The following NUP210 variants were observed in gnomAD, a reference collection of about 807,000 sequenced individuals.
NUP210 encodes the protein nuclear pore membrane glycoprotein 210.
In NUP210, 151 loss-of-function variants were observed where a neutral mutation model predicts 196.0. That is an observed-to-expected ratio of 0.77 (90% CI 0.67 to 0.88). The LOEUF (loss-of-function observed/expected upper bound fraction) is 0.88, where lower values mean the gene tolerates loss of function less well. Ranked by LOEUF, NUP210 falls within the 40% of genes least tolerant of loss-of-function variation. The pLI is 0.00. For synonymous variants in NUP210, 1,070 were observed against 1,052.7 expected, an observed-to-expected ratio of 1.02 and a Z score of -0.32; for missense variants, 2,314 against 2,493.7, an observed-to-expected ratio of 0.93 and a Z score of 1.53.
intron 15 of NUP210, among the ~76,000 whole-genome samples, chr3:13,359,276 G>A (rs537626801): frequency 6.6e-6 from 1 of 152,330 alleles, no homozygotes; most frequent in Admixed American, 6.5e-5. Flanking sequence ...AGGGGACAGG[G>A]ATGGTGGGGT....
At chr3:13,365,341 G>A (rs1198383823) in intron 14 of NUP210, among the ~76,000 whole-genome samples, 1 of 152,212 alleles carries the variant, frequency 6.6e-6, no homozygotes, top group African/African-American at 2.4e-5. Context: ...TACAGGCAGG[G>A]AATGTAAGGC....
intron 6 of NUP210, among the ~76,000 whole-genome samples, chr3:13,383,444 G>GT (rs1472315266): frequency 6.6e-6 from 1 of 150,442 alleles, no homozygotes; most frequent in Non-Finnish European, 1.5e-5. Context: ...GACCAAGCTC[G>GT]TAAGTTTTCT....
chr3:13,376,822 A>G (rs1698926936), intron 9 of NUP210, among the ~76,000 whole-genome samples: 1 of 152,130 alleles, frequency 6.6e-6, no homozygotes, highest in African/African-American at 2.4e-5. Context: ...ACATGAGCAA[A>G]GCAACGACAT....
At position 13,377,504 on chromosome 3, in the gene NUP210, G is replaced by A; in HGVS notation, c.1104C>T (p.Ile368=). The A allele has an allele frequency of 6.2e-7, 1 of 1,613,880 alleles. No homozygotes were observed. The highest frequency in any genetic ancestry group is 8.5e-7 in the Non-Finnish European group (1 of 1,179,836). ...WVLETGRLYE[I]TIEVFDKFSN... is the part of the protein sequence containing the mutation. ...TGAACTTGTCAAAAACTTCGATGGT[G>A]ATTTCATACAGGCGGCCGGTCTCCA... The change falls in exon 9 of 40, where the codon ATC becomes ATT. Residue 368 remains isoleucine (I), a synonymous_variant. Coordinates refer to ENST00000254508, the MANE Select transcript of NUP210 (RefSeq NM_024923.4).
chr3:13,376,764 C>A (rs1341225502), intron 9 of NUP210, among the ~76,000 whole-genome samples: 1 of 152,162 alleles, frequency 6.6e-6, no homozygotes. Context: ...GACATCACGT[C>A]CCCTACAGCT....
chr3:13,386,253 G>A (rs1163246477), intron 6 of NUP210, 22 bp downstream of exon 6: 1 of 1,602,044 alleles, frequency 6.2e-7, no homozygotes, highest in African/African-American at 1.3e-5. Context: ...CATCTGTCAT[G>A]ATGGCAGAGC....
intron 1 of NUP210, among the ~76,000 whole-genome samples, chr3:13,404,530 T>C (rs1314496033): frequency 6.6e-6 from 1 of 152,238 alleles, no homozygotes; most frequent in African/African-American, 2.4e-5. Context: ...CCCCTAATGT[T>C]AGTTGTAACT....
intron 1 of NUP210, among the ~76,000 whole-genome samples, chr3:13,408,080 G>A (rs1370884120): frequency 1.3e-5 from 2 of 152,158 alleles, no homozygotes; most frequent in Non-Finnish European, 2.9e-5. Flanking sequence ...AGGACAGGCA[G>A]GCATGGACTC....
intron 4 of NUP210, among the ~76,000 whole-genome samples, chr3:13,389,936 T>C (rs1037703089): frequency 3.3e-5 from 5 of 152,112 alleles, no homozygotes; most frequent in South Asian, 4.1e-4. Flanking sequence ...ACTCTACAGA[T>C]AACTAGACTG....
At chr3:13,384,453 G>A (rs1699209763) in intron 6 of NUP210, among the ~76,000 whole-genome samples, 1 of 152,210 alleles carries the variant, frequency 6.6e-6, no homozygotes, top group African/African-American at 2.4e-5. Context: ...TAGAGCTGTT[G>A]GGTTATATCC....
intron 32 of NUP210, among the ~76,000 whole-genome samples, chr3:13,326,185 C>G (rs1478334231): frequency 2.0e-5 from 3 of 152,250 alleles, no homozygotes; most frequent in Non-Finnish European, 4.4e-5. Context: ...CTAGCACCTG[C>G]TCTCCCTGAC....
At chr3:13,413,898 T>C (rs1700258003) in intron 1 of NUP210, among the ~76,000 whole-genome samples, 3 of 152,344 alleles carry the variant, frequency 2.0e-5, no homozygotes, top group South Asian at 2.1e-4. Flanking sequence ...GTAAACCACA[T>C]ACAGACACCA....
At chr3:13,327,780 A>AC (rs1176509485) in intron 31 of NUP210, among the ~76,000 whole-genome samples, 1 of 152,262 alleles carries the variant, frequency 6.6e-6, no homozygotes, top group Non-Finnish European at 1.5e-5. Flanking sequence ...AGGGAACTGG[A>AC]CATGCCAGAA....
chr3:13,356,768 C>T (rs1484897088), intron 16 of NUP210, among the ~76,000 whole-genome samples: 1 of 152,188 alleles, frequency 6.6e-6, no homozygotes, highest in Non-Finnish European at 1.5e-5. Context: ...GTTTGAGGTC[C>T]ATTATTTTCT....
intron 29 of NUP210, 45 bp downstream of exon 29, chr3:13,332,248 G>A: frequency 6.6e-7 from 1 of 1,510,090 alleles, no homozygotes; most frequent in South Asian, 1.1e-5. Flanking sequence ...TCGGATGCAA[G>A]CACAGCCGCA....
intron 30 of NUP210, among the ~76,000 whole-genome samples, chr3:13,329,501 A>G (rs1214021226): frequency 6.6e-6 from 1 of 152,222 alleles, no homozygotes; most frequent in East Asian, 1.9e-4. Context: ...GAATTTCTTT[A>G]ACAAAGTTCA....
chr3:13,386,230 A>G, intron 6 of NUP210, 45 bp downstream of exon 6: 1 of 1,578,284 alleles, frequency 6.3e-7, no homozygotes, highest in East Asian at 2.3e-5. Context: ...CAATAAAAAA[A>G]GGAGGAAGGA....
intron 21 of NUP210, among the ~76,000 whole-genome samples, chr3:13,342,654 C>T (rs1281806477): frequency 4.6e-5 from 7 of 152,278 alleles, no homozygotes; most frequent in South Asian, 2.1e-4. Flanking sequence ...GGAACCTGAC[C>T]GCAACCCTCT....
At chr3:13,368,196 C>A (rs1194052373) in intron 13 of NUP210, among the ~76,000 whole-genome samples, 9 of 152,132 alleles carry the variant, frequency 5.9e-5, no homozygotes, top group Admixed American at 5.9e-4. Flanking sequence ...CTACCTCAGC[C>A]TCCTGATTAG....
Sources: gnomAD v4.1 joint callset for allele counts (sites outside exome capture counted in the v4.1 genomes callset) on GRCh38, gnomAD v4.1.1 for gene constraint, MANE v1.5 for transcripts, NCBI Gene and HGNC (gene_info 2026-07-23, HGNC 2026-07-21) for gene names.